The following FHIT variants were observed in gnomAD, a reference collection of about 807,000 sequenced individuals.
FHIT encodes fragile histidine triad diadenosine triphosphatase.
In FHIT, 19 loss-of-function variants were observed where a neutral mutation model predicts 17.9. That is an observed-to-expected ratio of 1.06 (90% CI 0.74 to 1.56). The LOEUF (loss-of-function observed/expected upper bound fraction) is 1.56, where lower values mean the gene tolerates loss of function less well. Ranked by LOEUF, FHIT falls within the 40% of genes most tolerant of loss-of-function variation. FHIT has a pLI of 0.00. For synonymous variants in FHIT, 81 were observed against 69.7 expected, an observed-to-expected ratio of 1.16 and a Z score of -0.81; for missense variants, 248 against 189.2, an observed-to-expected ratio of 1.31 and a Z score of -1.82.
intron 8 of FHIT, among the ~76,000 whole-genome samples, chr3:59,921,578 C>T (rs968932535): frequency 1.3e-5 from 2 of 152,232 alleles, no homozygotes; most frequent in Admixed American, 1.3e-4. Flanking sequence ...CTCCAGGGCA[C>T]TAGTGCTATC....
chr3:60,779,243 A>C (rs60700810), intron 4 of FHIT, among the ~76,000 whole-genome samples: 10,198 of 152,212 alleles, frequency 0.067, 418 homozygotes, highest in African/African-American at 0.12. Context: ...ATGTTCCAAA[A>C]TTTGCCATAC....
At chr3:60,287,650 AAAGAG>A (rs1459191271) in intron 5 of FHIT, among the ~76,000 whole-genome samples, 1 of 152,178 alleles carries the variant, frequency 6.6e-6, no homozygotes, top group Non-Finnish European at 1.5e-5. Context: ...TCAAGTGTGG[AAAGAG>A]AAGACCTACC....
At chr3:60,740,783 GC>G (rs2042224766) in intron 4 of FHIT, among the ~76,000 whole-genome samples, 1 of 152,152 alleles carries the variant, frequency 6.6e-6, no homozygotes, top group African/African-American at 2.4e-5. Context: ...GAGACTAAAG[GC>G]AATTCAAACT....
chr3:60,648,139 G>A (rs1553687288), intron 4 of FHIT, among the ~76,000 whole-genome samples: 22 of 152,174 alleles, frequency 1.4e-4, no homozygotes. Context: ...GAGTCAGGGA[G>A]TGGGTAGAGG....
At chr3:60,357,474 A>G (rs980617846) in intron 5 of FHIT, among the ~76,000 whole-genome samples, 7 of 152,064 alleles carry the variant, frequency 4.6e-5, no homozygotes, top group Non-Finnish European at 8.8e-5. Flanking sequence ...CAAACTCCCA[A>G]CTTCAGGTGA....
intron 4 of FHIT, among the ~76,000 whole-genome samples, chr3:60,746,760 G>T (rs780728106): frequency 1.3e-5 from 2 of 152,146 alleles, no homozygotes; most frequent in Non-Finnish European, 2.9e-5. Context: ...CACTGGGTAG[G>T]GGCTGAGGGT....
chr3:59,947,421 A>G (rs1706867243), intron 7 of FHIT, among the ~76,000 whole-genome samples: 1 of 152,056 alleles, frequency 6.6e-6, no homozygotes, highest in South Asian at 2.1e-4. Context: ...TAGTCTAGCT[A>G]GTGGTCTATC....
intron 8 of FHIT, among the ~76,000 whole-genome samples, chr3:59,855,251 A>G (rs1702105330): frequency 6.6e-6 from 1 of 152,178 alleles, no homozygotes; most frequent in South Asian, 2.1e-4. Context: ...AACACCCATG[A>G]ATGCCACATA....
intron 2 of FHIT, among the ~76,000 whole-genome samples, chr3:61,166,639 A>C (rs1293013739): frequency 6.6e-6 from 1 of 152,216 alleles, no homozygotes; most frequent in Non-Finnish European, 1.5e-5. Flanking sequence ...GTTCAACACC[A>C]ATCTTTCTAA....
chr3:59,935,981 AC>A, intron 7 of FHIT, among the ~76,000 whole-genome samples: 1 of 152,292 alleles, frequency 6.6e-6, no homozygotes, highest in South Asian at 2.1e-4. Flanking sequence ...GTATCTTTTT[AC>A]CAAAATGTAA....
At chr3:60,061,476 G>A (rs953059515) in intron 5 of FHIT, among the ~76,000 whole-genome samples, 1 of 152,072 alleles carries the variant, frequency 6.6e-6, no homozygotes, top group Non-Finnish European at 1.5e-5. Flanking sequence ...AAGAACCAAG[G>A]GTTTTTCACA....
intron 5 of FHIT, among the ~76,000 whole-genome samples, chr3:60,097,315 T>A (rs984792857): frequency 6.6e-6 from 1 of 152,078 alleles, no homozygotes; most frequent in Non-Finnish European, 1.5e-5. Flanking sequence ...TTGACCATGA[T>A]GGGTCTAAAT....
intron 2 of FHIT, among the ~76,000 whole-genome samples, chr3:61,095,551 C>T (rs894023106): frequency 1.3e-5 from 2 of 152,196 alleles, no homozygotes; most frequent in African/African-American, 2.4e-5. Flanking sequence ...AACATATCCA[C>T]GAAGAATGAC....
intron 5 of FHIT, among the ~76,000 whole-genome samples, chr3:60,292,868 T>A (rs1414343304): frequency 5.9e-3 from 1 of 170 alleles, no homozygotes; most frequent in Non-Finnish European, 0.011. Context: ...TGGCTATTAT[T>A]AAATCCCTGA....
At chr3:60,576,787 G>C (rs984579118) in intron 4 of FHIT, among the ~76,000 whole-genome samples, 12 of 152,094 alleles carry the variant, frequency 7.9e-5, no homozygotes, top group African/African-American at 2.7e-4. Context: ...AATGGGAAAA[G>C]TGCTTTCCAT....
chr3:59,908,843 C>CTTTTTTTTTTT, intron 8 of FHIT, among the ~76,000 whole-genome samples: 1 of 150,860 alleles, frequency 6.6e-6, no homozygotes, highest in Non-Finnish European at 1.5e-5. Flanking sequence ...AAGAACATTT[C>CTTTTTTTTTTT]ATTTTTTAAT....
intron 4 of FHIT, among the ~76,000 whole-genome samples, chr3:60,804,431 C>T (rs965136473): frequency 6.6e-6 from 1 of 152,148 alleles, no homozygotes; most frequent in African/African-American, 2.4e-5. Flanking sequence ...GCTCTGGAGC[C>T]AGGATGCCTA....
intron 4 of FHIT, among the ~76,000 whole-genome samples, chr3:60,613,419 A>G (rs2038846345): frequency 6.6e-6 from 1 of 152,178 alleles, no homozygotes; most frequent in Non-Finnish European, 1.5e-5. Context: ...AAAAGGATCT[A>G]AAGAGTGGAG....
chr3:60,839,270 A>T (rs1385040585), intron 3 of FHIT, among the ~76,000 whole-genome samples: 1 of 152,162 alleles, frequency 6.6e-6, no homozygotes, highest in East Asian at 1.9e-4. Context: ...TCTAATACGT[A>T]TCAAAATTTA....
Sources: allele counts gnomAD v4.1 joint callset (sites outside exome capture counted in the v4.1 genomes callset), GRCh38; gene constraint gnomAD v4.1.1; transcripts MANE v1.5; gene names NCBI Gene and HGNC (gene_info 2026-07-23, HGNC 2026-07-21).